Variants in DACH2 observed in about 807,000 individuals in gnomAD.
The protein encoded by DACH2 is dachshund homolog 2.
A neutral mutation model predicts 35.8 loss-of-function variants in DACH2; 17 were observed. That is an observed-to-expected ratio of 0.48 (90% CI 0.33 to 0.71). The LOEUF is 0.71. DACH2 is among the 30% of genes least tolerant of loss of function. DACH2 has a pLI of 0.02. For synonymous variants in DACH2, 195 were observed against 177.3 expected (o/e 1.10, Z -0.79); for missense variants, 469 against 472.7 (o/e 0.99, Z 0.07).
intron 2 of DACH2, among the ~76,000 whole-genome samples, chrX:86,420,802 T>C (rs1254870269): frequency 9.0e-6 from 1 of 111,545 alleles, no homozygotes; most frequent in East Asian, 2.8e-4. Flanking sequence ...TTAATAAAGG[T>C]TTTGAGCCTA....
intron 3 of DACH2, among the ~76,000 whole-genome samples, chrX:86,621,340 T>G (rs1178777510): frequency 9.0e-6 from 1 of 111,259 alleles, no homozygotes; most frequent in Non-Finnish European, 1.9e-5. Flanking sequence ...ACTTTCACAG[T>G]GGTAATTTGT....
At chrX:86,470,024 T>C (rs2037737787) in intron 2 of DACH2, among the ~76,000 whole-genome samples, 1 of 109,727 alleles carries the variant, frequency 9.1e-6, no homozygotes, top group African/African-American at 3.3e-5. Flanking sequence ...TGACAGATGC[T>C]CTCAGTTAGA....
At chrX:86,276,066 A>G (rs1473422986) in intron 1 of DACH2, among the ~76,000 whole-genome samples, 1 of 112,345 alleles carries the variant, frequency 8.9e-6, no homozygotes, top group Admixed American at 9.4e-5. Flanking sequence ...TCTTTTGGGT[A>G]TATACCCAGC....
intron 4 of DACH2, among the ~76,000 whole-genome samples, chrX:86,690,982 G>T (rs751373464): frequency 1.8e-5 from 2 of 112,064 alleles, no homozygotes; most frequent in East Asian, 5.6e-4. Flanking sequence ...ATGAGGATTT[G>T]CTCCATTTTC....
intron 1 of DACH2, among the ~76,000 whole-genome samples, chrX:86,265,068 G>C (rs1489090844): frequency 9.0e-6 from 1 of 111,343 alleles, no homozygotes; most frequent in African/African-American, 3.3e-5. Context: ...CATCTTAAAA[G>C]GTCTAACCAT....
intron 1 of DACH2, among the ~76,000 whole-genome samples, chrX:86,371,330 T>C: frequency 9.0e-6 from 1 of 111,129 alleles, no homozygotes; most frequent in East Asian, 2.9e-4. Flanking sequence ...TCACTGATTT[T>C]TAAAAGACTC....
intron 1 of DACH2, among the ~76,000 whole-genome samples, chrX:86,244,927 T>G (rs2033246928): frequency 1.8e-5 from 2 of 111,292 alleles, no homozygotes; most frequent in Non-Finnish European, 3.8e-5. Flanking sequence ...AAAAACAAAC[T>G]AGAAAAATAC....
intron 1 of DACH2, among the ~76,000 whole-genome samples, chrX:86,319,467 A>G (rs887489394): frequency 8.9e-6 from 1 of 111,882 alleles, no homozygotes; most frequent in Non-Finnish European, 1.9e-5. Flanking sequence ...CGTTGTTTTA[A>G]TTATGTACTA....
chrX:86,293,373 A>T (rs189145349), intron 1 of DACH2, among the ~76,000 whole-genome samples: 20,051 of 107,904 alleles, frequency 0.19, 2,100 homozygotes, highest in African/African-American at 0.37. Flanking sequence ...GGTCTTGACT[A>T]TCCAATTTGC....
At chrX:86,318,862 A>G (rs563474947) in intron 1 of DACH2, among the ~76,000 whole-genome samples, 1 of 111,950 alleles carries the variant, frequency 8.9e-6, no homozygotes, top group East Asian at 2.8e-4. Flanking sequence ...TTAGATTACC[A>G]TTAGTTACTT....
At chrX:86,293,465 T>G (rs1228308675) in intron 1 of DACH2, among the ~76,000 whole-genome samples, 1 of 108,518 alleles carries the variant, frequency 9.2e-6, no homozygotes, top group Non-Finnish European at 1.9e-5. Context: ...ATCCTGTCAT[T>G]ATGATGTTAG....
At chrX:86,622,366 A>T (rs564281497) in intron 3 of DACH2, among the ~76,000 whole-genome samples, 5 of 111,676 alleles carry the variant, frequency 4.5e-5, no homozygotes, top group African/African-American at 1.6e-4. Flanking sequence ...TTTTGGGGTA[A>T]AAAGGAAGTC....
chrX:86,613,714 C>T (rs2039972766), intron 3 of DACH2, among the ~76,000 whole-genome samples: 1 of 111,231 alleles, frequency 9.0e-6, no homozygotes, highest in Non-Finnish European at 1.9e-5. Flanking sequence ...ATCATTGATG[C>T]CTTCTTGCCA....
intron 2 of DACH2, among the ~76,000 whole-genome samples, chrX:86,458,305 T>G (rs1390563120): frequency 8.9e-6 from 1 of 112,029 alleles, no homozygotes; most frequent in African/African-American, 3.2e-5. Flanking sequence ...CAATTTGACA[T>G]TCATGATAGG....
chrX:86,716,788 A>G (rs1275236188), intron 6 of DACH2, among the ~76,000 whole-genome samples: 2 of 112,179 alleles, frequency 1.8e-5, no homozygotes, highest in African/African-American at 6.5e-5. Context: ...AAAGATAATT[A>G]TCTTCTTAAT....
chrX:86,564,449 C>T (rs976844496), intron 3 of DACH2, among the ~76,000 whole-genome samples: 1 of 102,361 alleles, frequency 9.8e-6, no homozygotes, highest in Non-Finnish European at 2.0e-5. Context: ...TAATCTAGAC[C>T]TAATAACACT....
intron 7 of DACH2, among the ~76,000 whole-genome samples, chrX:86,740,510 C>A: frequency 1.3e-5 from 1 of 75,049 alleles, no homozygotes. Flanking sequence ...CCCCTCCCCC[C>A]ACCCCACAAC....
chrX:86,441,539 A>C (rs770154561), intron 2 of DACH2, among the ~76,000 whole-genome samples: 2 of 105,347 alleles, frequency 1.9e-5, no homozygotes, highest in South Asian at 8.5e-4. Flanking sequence ...TTCTTTATCC[A>C]TTAATCTGTT....
chrX:86,458,813 T>C (rs778576428), intron 2 of DACH2, among the ~76,000 whole-genome samples: 7 of 111,232 alleles, frequency 6.3e-5, no homozygotes, highest in African/African-American at 2.3e-4. Flanking sequence ...GAGCTTAAGT[T>C]GAACAATGAG....
Sources: allele counts gnomAD v4.1 joint callset (sites outside exome capture counted in the v4.1 genomes callset), GRCh38; gene constraint gnomAD v4.1.1; transcripts MANE v1.5; gene names NCBI Gene and HGNC (gene_info 2026-07-23, HGNC 2026-07-21).